RAB14: variants seen among roughly 807,000 people sequenced by gnomAD.
The protein encoded by RAB14 is RAB14, member RAS oncogene family, also known as ras-related protein Rab-14.
A neutral mutation model predicts 31.1 loss-of-function variants in RAB14; 3 were observed. That is an observed-to-expected ratio of 0.10 (90% CI 0.04 to 0.25). The LOEUF (loss-of-function observed/expected upper bound fraction) is 0.25. Ranked by LOEUF, RAB14 falls within the 10% of genes least tolerant of loss-of-function variation. RAB14 has a pLI of 1.00. For missense variants in RAB14, 111 were observed against 260.1 expected, an observed-to-expected ratio of 0.43 and a Z score of 3.94; for synonymous variants, 85 against 84.9, an observed-to-expected ratio of 1.00 and a Z score of 0.00.
At chr9:121,192,845 C>T (rs562808238) in intron 2 of RAB14, among the ~76,000 whole-genome samples, 4 of 152,034 alleles carry the variant, frequency 2.6e-5, no homozygotes, top group Admixed American at 1.3e-4. Context: ...CATTGAAAAA[C>T]GTGTACTTTC....
intron 5 of RAB14, among the ~76,000 whole-genome samples, chr9:121,185,163 A>G (rs1222947933): frequency 1.3e-5 from 2 of 152,206 alleles, no homozygotes; most frequent in African/African-American, 2.4e-5. Flanking sequence ...GGAAGGACAC[A>G]GGGCGGTAAG....
At chr9:121,190,043 A>T (rs1379533412) in intron 4 of RAB14, among the ~76,000 whole-genome samples, 3 of 152,276 alleles carry the variant, frequency 2.0e-5, no homozygotes, top group African/African-American at 7.2e-5. Context: ...TAGTATTTGA[A>T]GTCATTTCTA....
At chr9:121,183,628 ATAC>A (rs775397688) in intron 5 of RAB14, among the ~76,000 whole-genome samples, 1 of 152,234 alleles carries the variant, frequency 6.6e-6, no homozygotes, top group Non-Finnish European at 1.5e-5. Flanking sequence ...TAAAGAATAA[ATAC>A]TATATTCTTC....
intron 1 of RAB14, among the ~76,000 whole-genome samples, chr9:121,195,635 A>G (rs2053711199): frequency 6.6e-6 from 1 of 152,146 alleles, no homozygotes; most frequent in African/African-American, 2.4e-5. Context: ...AAAAGAAATG[A>G]TCACTATTTC....
chr9:121,185,696 T>G (rs1435728457), intron 5 of RAB14, among the ~76,000 whole-genome samples: 1 of 152,214 alleles, frequency 6.6e-6, no homozygotes, highest in East Asian at 1.9e-4. Flanking sequence ...CTGGGTATGA[T>G]GCCCTTGAGA....
At chr9:121,194,451 A>C (rs899627567) in intron 1 of RAB14, among the ~76,000 whole-genome samples, 7 of 152,214 alleles carry the variant, frequency 4.6e-5, no homozygotes, top group Non-Finnish European at 8.8e-5. Flanking sequence ...AAAACTTTCC[A>C]ATTTATTCAA....
chr9:121,179,624 A>C lies in RAB14; in HGVS notation c.*1772T>G, dbSNP rs1178836702. 1 of 152,650 alleles carries C rather than the reference A, an allele frequency of 6.6e-6. No homozygotes were observed. The highest frequency in any genetic ancestry group is 1.5e-5 in the Non-Finnish European group (1 of 68,036). 9.5% of individuals were successfully genotyped at this position (152,650 alleles called of 1,614,324 possible). On this transcript the variant is annotated 3_prime_UTR_variant, in exon 8 of 8. Transcript: ENST00000373840. ...CTGTAAGTCTTTAACAGAATATACC[A>C]ATCTACTCCAGAAATCTTATTTTTT...
chr9:121,199,764 C>T (rs886106445), intron 1 of RAB14, among the ~76,000 whole-genome samples: 8 of 152,142 alleles, frequency 5.3e-5, no homozygotes, highest in African/African-American at 2.4e-5. Context: ...CACATGCCAG[C>T]TACTTTATAA....
In RAB14 at chr9:121,196,183, GAA is replaced by G. The variant is rs531088275; in HGVS notation, c.-7-2766_-7-2765del. On this transcript the variant is annotated intron_variant, in intron 1 of 7. Transcript: ENST00000373840. ...ACTTAACATTACAATCCCCATAAAT[GAA>G]AAAAAAAATCCTGGTAATATTCTAT... Among the ~76,000 whole-genome samples the G allele has an allele frequency of 3.4e-5, 5 of 148,024 alleles. No individual in the cohort carries two copies. In the South Asian group the frequency reaches 1.1e-3, roughly 32 times the overall value.
chr9:121,186,575 T>G (rs1399689635), intron 5 of RAB14, among the ~76,000 whole-genome samples: 1 of 152,162 alleles, frequency 6.6e-6, no homozygotes, highest in Admixed American at 6.5e-5. Context: ...CAGATTCACA[T>G]GCAGTTGTAA....
intron 1 of RAB14, among the ~76,000 whole-genome samples, chr9:121,197,654 G>A (rs2053725718): frequency 6.6e-6 from 1 of 152,150 alleles, no homozygotes; most frequent in South Asian, 2.1e-4. Context: ...CAGATGTGAA[G>A]GTATACACTT....
chr9:121,198,062 T>C (rs2053728573), intron 1 of RAB14, among the ~76,000 whole-genome samples: 2 of 151,868 alleles, frequency 1.3e-5, no homozygotes, highest in South Asian at 4.1e-4. Context: ...TATATTCATA[T>C]AATATGGAAT....
chr9:121,185,332 T>C (rs1390728982), intron 5 of RAB14, among the ~76,000 whole-genome samples: 2 of 152,168 alleles, frequency 1.3e-5, no homozygotes, highest in East Asian at 3.8e-4. Flanking sequence ...GTTATGTAAC[T>C]ATAATACACT....
chr9:121,191,889 A>G (rs1237314682), intron 3 of RAB14, among the ~76,000 whole-genome samples: 2 of 152,166 alleles, frequency 1.3e-5, no homozygotes, highest in African/African-American at 4.8e-5. Flanking sequence ...ACAGAAAGTC[A>G]GAGAATAAAA....
chr9:121,182,646 T>C (rs2053639449), intron 7 of RAB14, among the ~76,000 whole-genome samples: 1 of 152,238 alleles, frequency 6.6e-6, no homozygotes, highest in Non-Finnish European at 1.5e-5. Flanking sequence ...CACTGTCATT[T>C]GGGAAAAGTC....
At chr9:121,186,341 G>C (rs1238892285) in intron 5 of RAB14, among the ~76,000 whole-genome samples, 1 of 152,088 alleles carries the variant, frequency 6.6e-6, no homozygotes, top group African/African-American at 2.4e-5. Flanking sequence ...ATATCTGCTG[G>C]TTCTCTCCCT....
intron 5 of RAB14, among the ~76,000 whole-genome samples, chr9:121,186,134 C>CTT (rs1406378848): frequency 6.6e-6 from 1 of 152,100 alleles, no homozygotes; most frequent in Admixed American, 6.6e-5. Context: ...GTGTGTCTTT[C>CTT]CTCACATTGT....
intron 3 of RAB14, among the ~76,000 whole-genome samples, chr9:121,191,304 T>C (rs1015684921): frequency 2.0e-5 from 3 of 152,082 alleles, no homozygotes; most frequent in African/African-American, 7.2e-5. Flanking sequence ...CCAGAAAATA[T>C]CAGTGTCTCA....
In RAB14 at chr9:121,182,947, G is replaced by C; in HGVS notation, c.453C>G (p.Leu151=). 2 of 1,604,434 alleles carry C rather than the reference G, an allele frequency of 1.2e-6. No individual in the cohort carries two copies. The highest frequency in any genetic ancestry group is 8.5e-7 in the Non-Finnish European group (1 of 1,173,366). ...QFAEENGLLF[L]EASAKTGENV... ...ACACTTACGTTTTTGCACTCGCTTCGAGGAACAATAAGCCTAAAAATAAAA... is the reference window on the plus strand; with the variant it reads ...ACACTTACGTTTTTGCACTCGCTTCCAGGAACAATAAGCCTAAAAATAAAA... Residue 151 remains leucine, a synonymous_variant, in exon 7 of 8, where the codon CTC becomes CTG. Transcript: ENST00000373840.
Sources: gnomAD v4.1 joint callset for allele counts (sites outside exome capture counted in the v4.1 genomes callset) on GRCh38, gnomAD v4.1.1 for gene constraint, MANE v1.5 for transcripts, NCBI Gene and HGNC (gene_info 2026-07-23, HGNC 2026-07-21) for gene names.